Variants in PRKCH observed in about 807,000 individuals in gnomAD.
PRKCH encodes protein kinase C eta type.
A neutral mutation model predicts 82.5 loss-of-function variants in PRKCH; 28 were observed. That is an observed-to-expected ratio of 0.34 (90% CI 0.25 to 0.47). The LOEUF (loss-of-function observed/expected upper bound fraction) is 0.47, where lower values mean the gene tolerates loss of function less well. Among genes scored for constraint, PRKCH ranks in the 20% least tolerant of loss-of-function variants. The pLI is 1.00. For synonymous variants in PRKCH, 322 were observed against 327.4 expected, an observed-to-expected ratio of 0.98 and a Z score of 0.18; for missense variants, 705 against 881.8, an observed-to-expected ratio of 0.80 and a Z score of 2.54.
At chr14:61,192,337 A>T (rs2044411923) in intron 1 of PRKCH, among the ~76,000 whole-genome samples, 1 of 152,146 alleles carries the variant, frequency 6.6e-6, no homozygotes, top group Non-Finnish European at 1.5e-5. Flanking sequence ...ACAGTTAACA[A>T]CTCTGAGCCT....
At chr14:61,425,798 C>T (rs1240527386) in intron 2 of PRKCH, among the ~76,000 whole-genome samples, 1 of 152,172 alleles carries the variant, frequency 6.6e-6, no homozygotes. Context: ...ATCTTGAATT[C>T]TAATCCCCAA....
At chr14:61,453,479 C>A in intron 7 of PRKCH, 126 bp downstream of exon 7, 1 of 922,530 alleles carries the variant, frequency 1.1e-6, no homozygotes. Context: ...AGACTTATTG[C>A]CTTTCTTTCT....
chr14:61,222,184 T>G (rs1566785650), intron 1 of PRKCH, among the ~76,000 whole-genome samples: 1 of 152,252 alleles, frequency 6.6e-6, no homozygotes. Context: ...CATTGCTTTT[T>G]GCTGCACAAT....
At chr14:61,398,091 T>G (rs2046811818) in intron 2 of PRKCH, among the ~76,000 whole-genome samples, 1 of 152,216 alleles carries the variant, frequency 6.6e-6, no homozygotes, top group Non-Finnish European at 1.5e-5. Context: ...AGTGATTTAT[T>G]ATTTTGAAAA....
At chr14:61,285,077 A>G (rs972013487) in intron 1 of PRKCH, among the ~76,000 whole-genome samples, 1 of 152,160 alleles carries the variant, frequency 6.6e-6, no homozygotes, top group African/African-American at 2.4e-5. Flanking sequence ...TCTTTTCTGC[A>G]TATAACCCTT....
chr14:61,250,846 C>G (rs2044939423), intron 1 of PRKCH, among the ~76,000 whole-genome samples: 1 of 151,760 alleles, frequency 6.6e-6, no homozygotes, highest in Admixed American at 6.6e-5. Context: ...GATGGGAACT[C>G]TCTATATTTT....
chr14:61,330,373 G>A (rs760855025), intron 1 of PRKCH, among the ~76,000 whole-genome samples: 3 of 152,204 alleles, frequency 2.0e-5, no homozygotes, highest in Non-Finnish European at 4.4e-5. Context: ...AAAGGTAAAT[G>A]TTCCTGACCC....
At chr14:61,523,176 T>A (rs977125778) in intron 10 of PRKCH, among the ~76,000 whole-genome samples, 21 of 152,230 alleles carry the variant, frequency 1.4e-4, no homozygotes, top group Non-Finnish European at 2.5e-4. Flanking sequence ...TTTGACCACT[T>A]GAGAGATTTG....
At chr14:61,190,324 G>A (rs1022725387) in intron 1 of PRKCH, among the ~76,000 whole-genome samples, 2 of 152,140 alleles carry the variant, frequency 1.3e-5, no homozygotes, top group African/African-American at 4.8e-5. Flanking sequence ...GGTCTTCACA[G>A]TCCTTCGACT....
chr14:61,194,953 C>T (rs1412511868), intron 1 of PRKCH, among the ~76,000 whole-genome samples: 3 of 152,144 alleles, frequency 2.0e-5, no homozygotes, highest in African/African-American at 7.2e-5. Flanking sequence ...AGGCTGGTCT[C>T]GAACTCCTGA....
chr14:61,496,369 A>G (rs938603859), intron 10 of PRKCH, among the ~76,000 whole-genome samples: 1 of 152,196 alleles, frequency 6.6e-6, no homozygotes, highest in Non-Finnish European at 1.5e-5. Flanking sequence ...GGTGGAATCT[A>G]CAATTCCACT....
At chr14:61,456,962 A>G in intron 7 of PRKCH, 1 of 510,870 alleles carries the variant, frequency 2.0e-6, no homozygotes, top group Non-Finnish European at 3.5e-6. Context: ...ACGTATTTTT[A>G]ATTGACCTTT....
intron 7 of PRKCH, among the ~76,000 whole-genome samples, chr14:61,454,202 C>G (rs996716001): frequency 2.0e-5 from 3 of 151,840 alleles, no homozygotes; most frequent in Admixed American, 6.6e-5. Context: ...CTCCCAGGTT[C>G]AAGCAATTCT....
chr14:61,543,060 G>A (rs2043208690), intron 12 of PRKCH, among the ~76,000 whole-genome samples: 1 of 152,224 alleles, frequency 6.6e-6, no homozygotes, highest in Admixed American at 6.5e-5. Flanking sequence ...ACTCAGTGGT[G>A]AAAGAATGAT....
intron 7 of PRKCH, among the ~76,000 whole-genome samples, chr14:61,454,073 T>C (rs1884644607): frequency 7.1e-6 from 1 of 141,576 alleles, no homozygotes; most frequent in Non-Finnish European, 1.5e-5. Context: ...AAAGAAGGAC[T>C]TTTTTCCTTT....
intron 2 of PRKCH, among the ~76,000 whole-genome samples, chr14:61,442,025 G>A (rs533266303): frequency 1.3e-5 from 2 of 151,892 alleles, no homozygotes; most frequent in African/African-American, 4.8e-5. Flanking sequence ...AATTTCCTTT[G>A]TAACAGGTAT....
chr14:61,377,780 T>G (rs1255866699), intron 1 of PRKCH, among the ~76,000 whole-genome samples: 1 of 152,232 alleles, frequency 6.6e-6, no homozygotes, highest in African/African-American at 2.4e-5. Context: ...TCTCTTCACA[T>G]GATTATTAAT....
At chr14:61,253,292 G>A (rs946961424) in intron 1 of PRKCH, among the ~76,000 whole-genome samples, 2 of 152,254 alleles carry the variant, frequency 1.3e-5, no homozygotes, top group African/African-American at 4.8e-5. Context: ...TTGCCTGCCA[G>A]TGTTGCACAT....
chr14:61,515,122 G>A (rs1352764835), intron 10 of PRKCH, among the ~76,000 whole-genome samples: 1 of 152,210 alleles, frequency 6.6e-6, no homozygotes, highest in Non-Finnish European at 1.5e-5. Context: ...ACCACTGAGT[G>A]TCAAACCAGC....
Sources: allele counts gnomAD v4.1 joint callset (sites outside exome capture counted in the v4.1 genomes callset), GRCh38; gene constraint gnomAD v4.1.1; transcripts MANE v1.5; gene names NCBI Gene and HGNC (gene_info 2026-07-23, HGNC 2026-07-21).